RXFP1: variants seen among roughly 807,000 people sequenced by gnomAD.
RXFP1 encodes relaxin family peptide receptor 1.
RXFP1 carries 73 observed loss-of-function variants against 89.8 expected under a neutral mutation model. The observed-to-expected ratio is 0.81, with a 90% confidence interval of 0.67 to 0.99. The LOEUF is 0.99. Among genes scored for constraint, RXFP1 ranks in the 50% least tolerant of loss-of-function variants. The pLI, the probability that RXFP1 is intolerant of heterozygous loss-of-function variation, is 0.00. For missense variants in RXFP1, 793 were observed against 895.5 expected (o/e 0.89, Z 1.46); for synonymous variants, 277 against 305.5 (o/e 0.91, Z 0.97).
chr4:158,634,158 A>G (rs1203530364), intron 12 of RXFP1, among the ~76,000 whole-genome samples: 2 of 152,056 alleles, frequency 1.3e-5, no homozygotes, highest in African/African-American at 4.8e-5. Flanking sequence ...TAGGGTTTCC[A>G]TTTCTCCACA....
intron 3 of RXFP1, among the ~76,000 whole-genome samples, chr4:158,596,699 G>A (rs1760681485): frequency 1.3e-5 from 2 of 152,294 alleles, no homozygotes; most frequent in South Asian, 4.1e-4. Flanking sequence ...AGTGGTGAGT[G>A]GAAAGCGAAT....
At chr4:158,542,075 A>G (rs1281435748) in intron 1 of RXFP1, among the ~76,000 whole-genome samples, 5 of 53,262 alleles carry the variant, frequency 9.4e-5, no homozygotes, top group Non-Finnish European at 1.6e-4. Context: ...AGGCGCCACC[A>G]TGGCTATATA....
chr4:158,573,558 A>G (rs1358084420), intron 2 of RXFP1, among the ~76,000 whole-genome samples: 1 of 152,132 alleles, frequency 6.6e-6, no homozygotes, highest in African/African-American at 2.4e-5. Flanking sequence ...GTGGCCCAAG[A>G]CAACTCTTCT....
intron 1 of RXFP1, among the ~76,000 whole-genome samples, chr4:158,551,511 C>G (rs1750102897): frequency 6.7e-6 from 1 of 149,322 alleles, no homozygotes; most frequent in East Asian, 1.9e-4. Context: ...GTTCTCACCA[C>G]AAAAAAATGC....
chr4:158,599,143 A>G, intron 3 of RXFP1, 183 bp from the exon 4 acceptor site: 2 of 837,102 alleles, frequency 2.4e-6, no homozygotes, highest in Non-Finnish European at 3.6e-6. Flanking sequence ...CCATCATTTT[A>G]AGGTTAAATT....
chr4:158,644,060 T>C lies in RXFP1; in HGVS notation c.1116-849T>C, dbSNP rs1770985348. On this transcript the variant is annotated intron_variant, in intron 14 of 17. Coordinates refer to ENST00000307765, the MANE Select transcript of RXFP1 (RefSeq NM_021634.4). ...TGTCTTCTTTTTTTTTTTTTTTTTT[T>C]TGGAGACAGAGTCTCGCTCTGTCGC... Among the ~76,000 whole-genome samples, 14 of 76,746 alleles carry C rather than the reference T, an allele frequency of 1.8e-4. No individual in the cohort carries two copies. The South Asian group carries it at 6.1e-3, about 34-fold the overall frequency. The allele number at this position is 76,746 out of a possible 152,430, so 50.3% of individuals were successfully genotyped here.
At chr4:158,640,285 C>A (rs150080318) in intron 14 of RXFP1, among the ~76,000 whole-genome samples, 22 of 152,198 alleles carry the variant, frequency 1.4e-4, no homozygotes, top group African/African-American at 5.1e-4. Flanking sequence ...TGATGTTTGC[C>A]TAATGAGCTA....
chr4:158,612,406 C>T (rs2150132978), intron 8 of RXFP1, 44 bp downstream of exon 8: 2 of 1,363,736 alleles, frequency 1.5e-6, no homozygotes, highest in Non-Finnish European at 2.0e-6. Context: ...AAGGCAAAGA[C>T]ATGAATAAAA....
At chr4:158,622,299 A>C (rs1357738796) in intron 9 of RXFP1, among the ~76,000 whole-genome samples, 1 of 152,014 alleles carries the variant, frequency 6.6e-6, no homozygotes, top group Non-Finnish European at 1.5e-5. Context: ...CGACAGAGCA[A>C]GACTCCATCT....
rs181704370 is a variant in RXFP1, at chr4:158,568,072, A to G, written c.50-4626A>G. Among the ~76,000 whole-genome samples the G allele has an allele frequency of 9.8e-3, 1,490 of 152,260 alleles. 25 individuals are homozygous for G. The highest frequency in any genetic ancestry group is 0.034 in the African/African-American group (1,419 of 41,546). ...GGGAGGAATGAACAACTCCGAACAC[A>G]CTGCCTTTATGAGCTGTAATACTCA... On this transcript the variant is annotated intron_variant, in intron 1 of 17. Coordinates refer to ENST00000307765, the MANE Select transcript of RXFP1 (RefSeq NM_021634.4).
chr4:158,572,645 A>T (rs560540695), intron 1 of RXFP1, 53 bp from the exon 2 acceptor site: 1 of 1,526,616 alleles, frequency 6.6e-7, no homozygotes. Context: ...GCTCTTTGCC[A>T]CGCCTTTGTA....
chr4:158,579,144 C>T (rs991056300), intron 2 of RXFP1, among the ~76,000 whole-genome samples: 3 of 151,430 alleles, frequency 2.0e-5, no homozygotes, highest in Non-Finnish European at 2.9e-5. Context: ...ACACCAGGAG[C>T]CATCAGAAGC....
intron 1 of RXFP1, among the ~76,000 whole-genome samples, chr4:158,547,984 A>C (rs957180766): frequency 6.6e-6 from 1 of 152,186 alleles, no homozygotes; most frequent in Non-Finnish European, 1.5e-5. Context: ...TGCAGAGCTG[A>C]GTTCAATTCC....
intron 2 of RXFP1, 146 bp downstream of exon 2, chr4:158,572,981 T>A (rs1755417573): frequency 8.6e-7 from 1 of 1,166,056 alleles, no homozygotes; most frequent in Non-Finnish European, 1.2e-6. Context: ...CTTATTTCAG[T>A]AGCTTAAAAT....
intron 1 of RXFP1, among the ~76,000 whole-genome samples, chr4:158,536,500 A>G (rs1745308772): frequency 6.6e-6 from 1 of 152,212 alleles, no homozygotes; most frequent in Non-Finnish European, 1.5e-5. Flanking sequence ...GCAGAACCAT[A>G]GTCATGCTAT....
At chr4:158,627,550 T>TGTGTGTGTGTGTGTG (rs1767138727) in intron 10 of RXFP1, among the ~76,000 whole-genome samples, 1 of 139,542 alleles carries the variant, frequency 7.2e-6, no homozygotes, top group African/African-American at 2.6e-5. Context: ...TGTGTGTGTG[T>TGTGTGTGTGTGTGTG]TTTATGATCC....
intron 4 of RXFP1, among the ~76,000 whole-genome samples, chr4:158,602,967 G>GC (rs1761968148): frequency 6.6e-6 from 1 of 152,100 alleles, no homozygotes; most frequent in Non-Finnish European, 1.5e-5. Context: ...GTCTCACTGT[G>GC]CCCCCCAGGC....
At position 158,638,099 on chromosome 4, in the gene RXFP1, G is replaced by T. The variant is rs574063107; in HGVS notation, c.1043+20G>T. 7 of 1,417,102 alleles carry T rather than the reference G, an allele frequency of 4.9e-6. No individual in the cohort carries two copies. The African/African-American group carries it at 7.1e-5, about 14-fold the overall frequency. The allele number at this position is 1,417,102 out of a possible 1,614,324, so 87.8% of individuals were successfully genotyped here. A position where few individuals can be genotyped will look rare whatever the true frequency, so the allele number is the denominator to read the frequency against. On this transcript the variant is annotated intron_variant, in intron 13 of 17. Coordinates refer to ENST00000307765, the MANE Select transcript of RXFP1 (RefSeq NM_021634.4). ...GTCTCTGTAAGTATTCACATATGGG[G>T]ATAGTTTTATGATAAAATTGTTTTT...
chr4:158,578,554 A>G (rs1338050609), intron 2 of RXFP1, among the ~76,000 whole-genome samples: 1 of 152,252 alleles, frequency 6.6e-6, no homozygotes, highest in Non-Finnish European at 1.5e-5. Flanking sequence ...AGATGCTGTT[A>G]AATTAGTTCA....
Sources: allele counts gnomAD v4.1 joint callset (sites outside exome capture counted in the v4.1 genomes callset), GRCh38; gene constraint gnomAD v4.1.1; transcripts MANE v1.5; gene names NCBI Gene and HGNC (gene_info 2026-07-23, HGNC 2026-07-21).